The following NACC1 variants were observed in gnomAD, a reference collection of about 807,000 sequenced individuals.
The protein encoded by NACC1 is nucleus accumbens associated 1, also known as nucleus accumbens-associated protein 1.
In NACC1, 6 loss-of-function variants were observed where a neutral mutation model predicts 41.7. That is an observed-to-expected ratio of 0.14 (90% CI 0.08 to 0.28). NACC1 has a LOEUF of 0.28. Among genes scored for constraint, NACC1 ranks in the 10% least tolerant of loss-of-function variants. The probability of loss-of-function intolerance (pLI) is 1.00; values close to 1 mark genes in which losing one functional copy is unlikely to be tolerated. For missense variants in NACC1, 434 were observed against 763.7 expected (o/e 0.57, Z 5.09); for synonymous variants, 338 against 330.6 (o/e 1.02, Z -0.24).
rs1279415927 is a variant in NACC1, at chr19:13,139,909, T to TC, written c.*1504dup. The TC allele has an allele frequency of 6.6e-6, 1 of 152,236 alleles. No individual in the cohort carries two copies. The highest frequency in any genetic ancestry group is 2.4e-5 in the African/African-American group (1 of 41,408). 9.4% of individuals were successfully genotyped at this position (152,236 alleles called of 1,614,324 possible). On this transcript the variant is annotated 3_prime_UTR_variant, in exon 6 of 6. Coordinates refer to ENST00000292431, the MANE Select transcript of NACC1 (RefSeq NM_052876.4). ...ACATCCTTGTTTGTGTTTCTGGCCCTCGTCCTCCCTGCCTCTCATCTGCCT... is the reference window on the plus strand; with the variant it reads ...ACATCCTTGTTTGTGTTTCTGGCCCTCCGTCCTCCCTGCCTCTCATCTGCCT...
chr19:13,136,809 G>A lies in NACC1; in HGVS notation c.1120+404G>A, dbSNP rs1382171324. On this transcript the variant is annotated intron_variant, in intron 3 of 5. Transcript: ENST00000292431. The surrounding 1 kb of genome is among the most constrained non-coding windows in gnomAD (Gnocchi z 5.5). Reference sequence around the variant, plus strand: ...CAGGAGGTCAAGGCTGCAGTGAGCTGTGGTGGCCACTGCACTCCAGCCTGG... The same window carrying A: ...CAGGAGGTCAAGGCTGCAGTGAGCTATGGTGGCCACTGCACTCCAGCCTGG... 1.3e-5 allele frequency among the ~76,000 whole-genome samples: 2 copies of A among 152,146 alleles called. No homozygotes were observed. The highest frequency in any genetic ancestry group is 2.9e-5 in the Non-Finnish European group (2 of 68,028).
intron 1 of NACC1, among the ~76,000 whole-genome samples, chr19:13,121,052 T>C (rs1292554737): frequency 6.6e-6 from 1 of 152,208 alleles, no homozygotes; most frequent in Non-Finnish European, 1.5e-5. Flanking sequence ...AGGATCAAGA[T>C]AATTTCACAT....
At chr19:13,118,890 G>A (rs932910357) in intron 1 of NACC1, among the ~76,000 whole-genome samples, 69 of 150,384 alleles carry the variant, frequency 4.6e-4, no homozygotes, top group African/African-American at 1.6e-3. Flanking sequence ...GGAGGGGCCG[G>A]GCCTGCAGGT....
In NACC1 at chr19:13,136,521, T is replaced by TTACCAACACTACAGCAC; in HGVS notation, c.1120+116_1120+117insTACCAACACTACAGCAC. The stretch of plus-strand genomic sequence containing the variant: ...CACCTCAGTTTCCCTATCTGTGCTG[T>TTACCAACACTACAGCAC]AGTGTTGGTAACAGCCACCCTAAGG... On this transcript the variant is annotated intron_variant, in intron 3 of 5. Coordinates refer to ENST00000292431, the MANE Select transcript of NACC1 (RefSeq NM_052876.4). The surrounding 1 kb of genome is among the most constrained non-coding windows in gnomAD (Gnocchi z 5.5). 1 of 1,253,922 alleles carries TTACCAACACTACAGCAC rather than the reference T, an allele frequency of 8.0e-7. No homozygotes were observed. The highest frequency in any genetic ancestry group is 1.1e-6 in the Non-Finnish European group (1 of 926,564). The allele number at this position is 1,253,922 out of a possible 1,614,324, so 77.7% of individuals were successfully genotyped here.
In NACC1 at chr19:13,128,228, G is replaced by A. The variant is rs149422033; in HGVS notation, c.-8-6972G>A. ...TGGGGGAGGCATCAGTGAATAGATG[G>A]TGCTTCAGGCCTGTCTTAGTCAGCT... On this transcript the variant is annotated intron_variant, in intron 1 of 5. Coordinates refer to ENST00000292431, the MANE Select transcript of NACC1 (RefSeq NM_052876.4). Among the ~76,000 whole-genome samples the A allele has an allele frequency of 1.2e-3, 187 of 152,238 alleles. 1 individual carries two copies. Among genetic ancestry groups the A allele is most frequent in the African/African-American group, 3.5e-3 (146 of 41,532 alleles).
chr19:13,129,097 G>T (rs1365511155), intron 1 of NACC1, among the ~76,000 whole-genome samples: 1 of 152,220 alleles, frequency 6.6e-6, no homozygotes, highest in Admixed American at 6.5e-5. Flanking sequence ...ATCTTCTCTA[G>T]CCTGGAGAAG....
Position 13,138,510 on chromosome 19 carries a change from T to G in NACC1, c.*104T>G. ...GTCTGTCCCTCCCCAGGACCCGCGG[T>G]GGGTGCTGCATGTTCCCGGCCCTCT... On this transcript the variant is annotated 3_prime_UTR_variant, in exon 6 of 6. Coordinates refer to ENST00000292431, the MANE Select transcript of NACC1 (RefSeq NM_052876.4). The surrounding 1 kb of genome is among the most constrained non-coding windows in gnomAD (Gnocchi z 5.7). The G allele has an allele frequency of 6.8e-7, 1 of 1,472,304 alleles. No homozygotes were observed. 91.2% of individuals were successfully genotyped at this position (1,472,304 alleles called of 1,614,324 possible).
chr19:13,135,058 T>C (rs1168007889), intron 1 of NACC1, 142 bp from the exon 2 acceptor site: 6 of 1,388,174 alleles, frequency 4.3e-6, no homozygotes, highest in Non-Finnish European at 5.7e-6. Context: ...CTGTGTGGTT[T>C]AGCACCATGG....
chr19:13,138,538 C>G lies in NACC1; in HGVS notation c.*132C>G, dbSNP rs748863106. The G allele has an allele frequency of 1.4e-4, 185 of 1,332,276 alleles. No homozygotes were observed. Among genetic ancestry groups the G allele is most frequent in the Non-Finnish European group, 1.8e-4 (181 of 983,864 alleles). 82.5% of individuals were successfully genotyped at this position (1,332,276 alleles called of 1,614,324 possible). ...GTGCTGCATGTTCCCGGCCCTCTGC[C>G]CCTCCTGTCCTACCCCCTTTCCCCA... On this transcript the variant is annotated 3_prime_UTR_variant, in exon 6 of 6. Coordinates refer to ENST00000292431, the MANE Select transcript of NACC1 (RefSeq NM_052876.4). This position sits in a 1 kb window ranked among gnomAD's most constrained non-coding sequence, Gnocchi z 5.7.
rs571795753 is a variant in NACC1 at position 13,141,079 on chromosome 19, G to A, written c.*2673G>A. ...TAACTACTGTAAGGAGAGGAGCGGC[G>A]TTGGCAAATGTGAACCATGAGAATA... is the stretch of plus-strand genomic sequence containing the variant. On this transcript the variant is annotated 3_prime_UTR_variant, in exon 6 of 6. Transcript: ENST00000292431. 3 of 152,672 alleles carry A rather than the reference G, an allele frequency of 2.0e-5. No individual in the cohort carries two copies. Among genetic ancestry groups the A allele is most frequent in the Admixed American group, 1.3e-4 (2 of 15,300 alleles). The allele number at this position is 152,672 out of a possible 1,614,324, so 9.5% of individuals were successfully genotyped here. A position where few individuals can be genotyped will look rare whatever the true frequency, so the allele number is the denominator to read the frequency against.
In NACC1 at chr19:13,127,371, C is replaced by CTTTTTTTTTTTTT. The variant is rs147514422; in HGVS notation, c.-8-7812_-8-7800dup. Among the ~76,000 whole-genome samples the CTTTTTTTTTTTTT allele has an allele frequency of 7.7e-4, 22 of 28,516 alleles. 2 individuals are homozygous for CTTTTTTTTTTTTT. The highest frequency in any genetic ancestry group is 2.0e-3 in the East Asian group (2 of 980). 18.7% of individuals were successfully genotyped at this position (28,516 alleles called of 152,430 possible). A position where few individuals can be genotyped will look rare whatever the true frequency, so the allele number is the denominator to read the frequency against. On this transcript the variant is annotated intron_variant, in intron 1 of 5. Coordinates refer to ENST00000292431, the MANE Select transcript of NACC1 (RefSeq NM_052876.4). ...AAAAAAAAGCATACATATACATATA[C>CTTTTTTTTTTTTT]TTTTTTTTTTTTTTTTTTTTTTTTT...
intron 1 of NACC1, among the ~76,000 whole-genome samples, chr19:13,130,488 C>CAGTG (rs1351220454): frequency 1.3e-5 from 2 of 151,798 alleles, no homozygotes; most frequent in Non-Finnish European, 2.9e-5. Context: ...ATTGAGCTGA[C>CAGTG]AGTGCCCTTG....
chr19:13,136,084 A>G lies in NACC1; in HGVS notation c.877A>G (p.Met293Val). ...GGAGGAGGATGGTGGCGAGGAGGGC[A>G]TGGATGAGCAGTACCGGCAGATCTG... The part of the protein sequence containing the change: ...DEEEDGGEEG[M>V]DEQYRQICNM... The change falls in exon 2 of 6, where the codon ATG (methionine) becomes GTG (valine). Residue 293 changes from methionine (M) to valine (V), a missense_variant. By Grantham distance (21) the Met-to-Val change is conservative. Around this residue, in one of 4 missense-constraint regions of NACC1, gnomAD observed 234 missense variants for 308.3 expected, o/e 0.76. Transcript: ENST00000292431. The surrounding 1 kb of genome is among the most constrained non-coding windows in gnomAD (Gnocchi z 5.5). 1 of 1,614,070 alleles carries G rather than the reference A, an allele frequency of 6.2e-7. No homozygotes were observed. Among genetic ancestry groups the G allele is most frequent in the South Asian group, 1.1e-5 (1 of 91,086 alleles).
At chr19:13,123,954 A>G (rs1434730363) in intron 1 of NACC1, among the ~76,000 whole-genome samples, 2 of 152,196 alleles carry the variant, frequency 1.3e-5, no homozygotes, top group African/African-American at 4.8e-5. Flanking sequence ...AAAGAAGAGT[A>G]AGTTAAATGA....
Position 13,139,059 on chromosome 19 carries a change from C to T in NACC1, c.*653C>T, listed in dbSNP as rs1290901796. The stretch of plus-strand genomic sequence containing the variant: ...TTCCGCCTCTGTTGCTCCCTTTGGT[C>T]CTCTGGGGCCTCAGAGAGGCAGGTC... On this transcript the variant is annotated 3_prime_UTR_variant, in exon 6 of 6. Transcript: ENST00000292431. 6.5e-6 allele frequency: 1 copy of T among 152,740 alleles called. No homozygotes were observed. Among genetic ancestry groups the T allele is most frequent in the African/African-American group, 2.4e-5 (1 of 41,378 alleles). The allele number at this position is 152,740 out of a possible 1,614,324, so 9.5% of individuals were successfully genotyped here. A position where few individuals can be genotyped will look rare whatever the true frequency, so the allele number is the denominator to read the frequency against.
rs1421187225 is a variant in NACC1, at chr19:13,138,018, T to G, written c.1325-129T>G. The G allele has an allele frequency of 7.3e-7, 1 of 1,362,702 alleles. No individual in the cohort carries two copies. The highest frequency in any genetic ancestry group is 1.0e-6 in the Non-Finnish European group (1 of 989,736). The allele number at this position is 1,362,702 out of a possible 1,614,324, so 84.4% of individuals were successfully genotyped here. On this transcript the variant is annotated intron_variant, in intron 5 of 5. Coordinates refer to ENST00000292431, the MANE Select transcript of NACC1 (RefSeq NM_052876.4). The surrounding 1 kb of genome is among the most constrained non-coding windows in gnomAD (Gnocchi z 5.7). ...AGGGTTGGGTGCACGTAGTGTGGTGTCCTGGCCGCGTGGCCTCACTCGTTT... is the reference window on the plus strand; with the variant it reads ...AGGGTTGGGTGCACGTAGTGTGGTGGCCTGGCCGCGTGGCCTCACTCGTTT...
chr19:13,130,955 C>T (rs1342168266), intron 1 of NACC1, among the ~76,000 whole-genome samples: 1 of 152,182 alleles, frequency 6.6e-6, no homozygotes, highest in African/African-American at 2.4e-5. Context: ...GTCCCTGCTA[C>T]ATCGCCCTTC....
chr19:13,137,677 A>G lies in NACC1; in HGVS notation c.1324+102A>G. On this transcript the variant is annotated intron_variant, in intron 5 of 5. Coordinates refer to ENST00000292431, the MANE Select transcript of NACC1 (RefSeq NM_052876.4). The surrounding 1 kb of genome is among the most constrained non-coding windows in gnomAD (Gnocchi z 6.1). ...GAGAGGGCTAGAGTTCAGTGTTGAGAAGCATTCTGGGGCTCATTCTAGCCT... is the reference window on the plus strand; with the variant it reads ...GAGAGGGCTAGAGTTCAGTGTTGAGGAGCATTCTGGGGCTCATTCTAGCCT... The G allele has an allele frequency of 7.3e-6, 7 of 960,774 alleles. No homozygotes were observed. The highest frequency in any genetic ancestry group is 1.1e-5 in the Non-Finnish European group (7 of 647,348). 59.5% of individuals were successfully genotyped at this position (960,774 alleles called of 1,614,324 possible).
In NACC1 at chr19:13,122,533, G is replaced by GC. The variant is rs886598804; in HGVS notation, c.-9+4079_-9+4080insC. Among the ~76,000 whole-genome samples, 94 of 150,928 alleles carry GC rather than the reference G, an allele frequency of 6.2e-4. 1 individual carries two copies. The highest frequency in any genetic ancestry group is 3.0e-4 in the Non-Finnish European group (20 of 67,496). Reference sequence around the variant, plus strand: ...TTTGGTTGCCCCTGCCGGGGGGGGGGGGGTGTGCTGCTGGCATCTAGTGGG... The same window carrying GC: ...TTTGGTTGCCCCTGCCGGGGGGGGGGCGGGTGTGCTGCTGGCATCTAGTGGG... On this transcript the variant is annotated intron_variant, in intron 1 of 5. Transcript: ENST00000292431.
Sources: allele counts gnomAD v4.1 joint callset (sites outside exome capture counted in the v4.1 genomes callset), GRCh38; gene constraint gnomAD v4.1.1; regional missense constraint gnomAD v4.1.1; non-coding constraint Gnocchi (gnomAD v3.1); transcripts MANE v1.5; gene names NCBI Gene and HGNC (gene_info 2026-07-23, HGNC 2026-07-21).